The following CELF6 variants were observed in gnomAD, a reference collection of about 807,000 sequenced individuals.
The protein encoded by CELF6 is Bruno -like 6, RNA binding protein.
Under a neutral mutation model 53.1 loss-of-function variants are expected in CELF6, and 32 were observed. The observed-to-expected ratio is 0.60, with a 90% confidence interval of 0.46 to 0.81. The LOEUF (loss-of-function observed/expected upper bound fraction) is 0.81, where lower values mean the gene tolerates loss of function less well. Among genes scored for constraint, CELF6 ranks in the 30% least tolerant of loss-of-function variants. The pLI, the probability that CELF6 is intolerant of heterozygous loss-of-function variation, is 0.00. For missense variants in CELF6, 539 were observed against 669.5 expected (o/e 0.81, Z 2.15); for synonymous variants, 291 against 288.8 (o/e 1.01, Z -0.08).
At position 72,288,543 on chromosome 15, in the gene CELF6, C is replaced by G. The variant is rs373381789; in HGVS notation, c.1169G>C (p.Arg390Thr). The G allele has an allele frequency of 1.2e-6, 2 of 1,605,582 alleles. No homozygotes were observed. Among genetic ancestry groups the G allele is most frequent in the Non-Finnish European group, 1.7e-6 (2 of 1,174,982 alleles). The stretch of plus-strand genomic sequence containing the variant: ...TCCAGCCCCCAGTCCCTCACCTTCT[C>G]TCTGCTGCTGGGGCAGGGCTGAAGG... ...QQPSALPQQQREGPEGCNLFI... is the reference protein window; with the variant it reads ...QQPSALPQQQTEGPEGCNLFI... Residue 390 changes from arginine (R) to threonine (T), a missense_variant, in exon 10 of 13, where the codon AGA becomes ACA. By Grantham distance (71) the Arg-to-Thr change is moderately conservative. This residue lies in a region of CELF6 where 358 missense variants were observed against 412.8 expected (regional missense o/e 0.87). Transcript: ENST00000287202. This position sits in a 1 kb window ranked among gnomAD's most constrained non-coding sequence, Gnocchi z 4.6.
intron 2 of CELF6, among the ~76,000 whole-genome samples, chr15:72,305,080 G>T (rs1026935510): frequency 1.3e-5 from 2 of 152,204 alleles, no homozygotes; most frequent in African/African-American, 4.8e-5. Flanking sequence ...CTGGGCAGGG[G>T]CTATGTGAGG....
At chr15:72,307,449 G>T (rs1318765826) in intron 2 of CELF6, among the ~76,000 whole-genome samples, 12 of 152,218 alleles carry the variant, frequency 7.9e-5, no homozygotes, top group Admixed American at 7.2e-4. Flanking sequence ...CAGAGGGGAA[G>T]ATAATGTTAC....
intron 3 of CELF6, among the ~76,000 whole-genome samples, chr15:72,299,361 T>C (rs949846130): frequency 6.6e-6 from 1 of 150,418 alleles, no homozygotes; most frequent in Non-Finnish European, 1.5e-5. Flanking sequence ...TTTTGTTTTT[T>C]CTTTTTTTTT....
rs1467873552 is a variant in CELF6 at position 72,319,033 on chromosome 15, A to G, written c.262+580T>C. On this transcript the variant is annotated intron_variant, in intron 1 of 12. Transcript: ENST00000287202. The surrounding 1 kb of genome is among the most constrained non-coding windows in gnomAD (Gnocchi z 5.0). The stretch of plus-strand genomic sequence containing the variant: ...GAGAGCCTCCTGGGAATTGAATTGG[A>G]TTTTGTGTTAGACAGGTCTGGGTTC... 6.6e-6 allele frequency among the ~76,000 whole-genome samples: 1 copy of G among 151,838 alleles called. No homozygotes were observed. Among genetic ancestry groups the G allele is most frequent in the African/African-American group, 2.4e-5 (1 of 41,296 alleles).
chr15:72,295,695 C>T (rs2088068581), intron 3 of CELF6, among the ~76,000 whole-genome samples: 3 of 148,520 alleles, frequency 2.0e-5, no homozygotes, highest in Non-Finnish European at 4.4e-5. Context: ...CACTGCACTC[C>T]AGCCTGGGTG....
At chr15:72,306,599 C>T (rs1025942539) in intron 2 of CELF6, among the ~76,000 whole-genome samples, 5 of 150,282 alleles carry the variant, frequency 3.3e-5, no homozygotes, top group African/African-American at 1.2e-4. Flanking sequence ...CAAGTCTGAA[C>T]CAGCGCAACT....
In CELF6 at chr15:72,289,418, C is replaced by A; in HGVS notation, c.837G>T (p.Val279=). Residue 279 remains valine (V), a synonymous_variant, in exon 7 of 13, where the codon GTG becomes GTT. Coordinates refer to ENST00000287202, the MANE Select transcript of CELF6 (RefSeq NM_052840.5). The surrounding 1 kb of genome is among the most constrained non-coding windows in gnomAD (Gnocchi z 7.6). Reference sequence around the variant, plus strand: ...GCGCAGCTACCAGGCTAAAGGCCGCCACGTGTTGCATCTGGGCCGCCACTG... The same window carrying A: ...GCGCAGCTACCAGGCTAAAGGCCGCAACGTGTTGCATCTGGGCCGCCACTG... ...VAAVAAQMQH[V]AAFSLVAAPL... is the part of the protein sequence containing the mutation. 6.4e-7 allele frequency: 1 copy of A among 1,553,470 alleles called. No individual in the cohort carries two copies. The highest frequency in any genetic ancestry group is 8.6e-7 in the Non-Finnish European group (1 of 1,157,724).
At position 72,315,930 on chromosome 15, in the gene CELF6, G is replaced by A. The variant is rs930036566; in HGVS notation, c.263-3C>T. 4 of 1,600,890 alleles carry A rather than the reference G, an allele frequency of 2.5e-6. No individual in the cohort carries two copies. The highest frequency in any genetic ancestry group is 3.4e-6 in the Non-Finnish European group (4 of 1,172,898). Reference sequence around the variant, plus strand: ...GCAGTAGGTGAGGAAGGCACAGCCTGAGGAGGAAGAGGCTGGCTCAGGGGG... The same window carrying A: ...GCAGTAGGTGAGGAAGGCACAGCCTAAGGAGGAAGAGGCTGGCTCAGGGGG... On this transcript the variant is annotated splice_region_variant and splice_polypyrimidine_tract_variant and intron_variant, in intron 1 of 12. Coordinates refer to ENST00000287202, the MANE Select transcript of CELF6 (RefSeq NM_052840.5).
intron 3 of CELF6, among the ~76,000 whole-genome samples, chr15:72,291,104 C>T (rs2088000570): frequency 6.6e-6 from 1 of 152,202 alleles, no homozygotes; most frequent in African/African-American, 2.4e-5. Context: ...AGAACAAGTT[C>T]TGCCTATAGA....
chr15:72,289,367 G>A lies in CELF6; in HGVS notation c.880+8C>T. 4 of 1,549,556 alleles carry A rather than the reference G, an allele frequency of 2.6e-6. No individual in the cohort carries two copies. The highest frequency in any genetic ancestry group is 3.5e-6 in the Non-Finnish European group (4 of 1,155,822). On this transcript the variant is annotated splice_region_variant and intron_variant, in intron 7 of 12. Coordinates refer to ENST00000287202, the MANE Select transcript of CELF6 (RefSeq NM_052840.5). The surrounding 1 kb of genome is among the most constrained non-coding windows in gnomAD (Gnocchi z 7.6). ...TCCCAGGCGCGCCCCAGTCCCTGGG[G>A]GCCGTACCTGCCGCGGGCAACAGAG...
chr15:72,314,589 G>GTTTTTTTTT lies in CELF6; in HGVS notation c.345+1247_345+1255dup, dbSNP rs984879836. Among the ~76,000 whole-genome samples the GTTTTTTTTT allele has an allele frequency of 3.1e-5, 3 of 97,844 alleles. 1 individual carries two copies. Among genetic ancestry groups the GTTTTTTTTT allele is most frequent in the African/African-American group, 1.4e-4 (3 of 20,712 alleles). The allele number at this position is 97,844 out of a possible 152,430, so 64.2% of individuals were successfully genotyped here. On this transcript the variant is annotated intron_variant, in intron 2 of 12. Coordinates refer to ENST00000287202, the MANE Select transcript of CELF6 (RefSeq NM_052840.5). ...AGGTCTGTGAGACTCAAAACCCAGT[G>GTTTTTTTTT]TTTTTTTTTTTTTTTTTTTTTTTGA...
chr15:72,319,791 G>A lies in CELF6; in HGVS notation c.84C>T (p.Gly28=), dbSNP rs777816480. 10 of 1,564,570 alleles carry A rather than the reference G, an allele frequency of 6.4e-6. No homozygotes were observed. The South Asian group carries it at 1.1e-4, about 16-fold the overall frequency. Residue 28 remains glycine, a synonymous_variant, in exon 1 of 13, where the codon GGC becomes GGT. Transcript: ENST00000287202. The surrounding 1 kb of genome is among the most constrained non-coding windows in gnomAD (Gnocchi z 5.0). ...CGGGACCGGGGTTTAGCCCGCTCAT[G>A]CCGACGCCGCTGTCCGCGGTGCTGA... is the stretch of plus-strand genomic sequence containing the variant. ...LGFSTADSGV[G]MSGLNPGPAV... is the part of the protein sequence containing the mutation.
At chr15:72,287,089 C>T in intron 12 of CELF6, 148 bp downstream of exon 12, 1 of 654,414 alleles carries the variant, frequency 1.5e-6, no homozygotes, top group South Asian at 2.0e-5. Context: ...AAGTCTCCAT[C>T]TGAGGTTTCC....
intron 3 of CELF6, among the ~76,000 whole-genome samples, chr15:72,301,384 A>T (rs1180285232): frequency 1.3e-5 from 2 of 152,168 alleles, no homozygotes; most frequent in African/African-American, 4.8e-5. Flanking sequence ...TCCCTACTTG[A>T]TGGGAAGAAA....
At chr15:72,316,028 A>G in intron 1 of CELF6, 101 bp from the exon 2 acceptor site, 1 of 728,778 alleles carries the variant, frequency 1.4e-6, no homozygotes, top group Non-Finnish European at 2.3e-6. Flanking sequence ...ACTCTCCTTT[A>G]AGCAAGGACT....
rs540957303 is a variant in CELF6 at position 72,286,265 on chromosome 15, G to T, written c.*106C>A. ...CCAGCCTTGGGTCCGATCCACCTCC[G>T]TCCGCAGCTGCTCCTTCGGGAAGGG... is the stretch of plus-strand genomic sequence containing the variant. On this transcript the variant is annotated 3_prime_UTR_variant, in exon 13 of 13. Coordinates refer to ENST00000287202, the MANE Select transcript of CELF6 (RefSeq NM_052840.5). 6.5e-6 allele frequency: 1 copy of T among 152,700 alleles called. No individual in the cohort carries two copies. Among genetic ancestry groups the T allele is most frequent in the Non-Finnish European group, 1.5e-5 (1 of 68,088 alleles). The allele number at this position is 152,700 out of a possible 1,614,324, so 9.5% of individuals were successfully genotyped here.
At chr15:72,309,438 G>A (rs926605943) in intron 2 of CELF6, among the ~76,000 whole-genome samples, 2 of 152,178 alleles carry the variant, frequency 1.3e-5, no homozygotes, top group African/African-American at 2.4e-5. Context: ...ATGTGGACCC[G>A]GGAAGAGGAG....
chr15:72,315,634 G>C (rs1286673331), intron 2 of CELF6, among the ~76,000 whole-genome samples: 1 of 152,110 alleles, frequency 6.6e-6, no homozygotes, highest in East Asian at 1.9e-4. Flanking sequence ...GGAACGCCTG[G>C]CCCAAGGATC....
intron 2 of CELF6, chr15:72,306,388 G>A (rs922524360): frequency 8.0e-6 from 6 of 749,288 alleles, no homozygotes; most frequent in Non-Finnish European, 8.1e-6. Context: ...CACCAATCAG[G>A]GGCCACTCCA....
Sources: gnomAD v4.1 joint callset for allele counts (sites outside exome capture counted in the v4.1 genomes callset) on GRCh38, gnomAD v4.1.1 for gene constraint, gnomAD v4.1.1 regional missense constraint, Gnocchi (gnomAD v3.1) non-coding constraint, MANE v1.5 for transcripts, NCBI Gene and HGNC (gene_info 2026-07-23, HGNC 2026-07-21) for gene names.